SCFD2: variants seen among roughly 807,000 people sequenced by gnomAD.
SCFD2 encodes sec1 family domain-containing protein 2.
SCFD2 carries 54 observed loss-of-function variants against 58.9 expected under a neutral mutation model. The ratio of observed to expected loss-of-function variants is 0.92; its 90% CI spans 0.74 to 1.15. SCFD2 has a LOEUF of 1.15. Among genes scored for constraint, SCFD2 ranks in the 50% most tolerant of loss-of-function variants. The pLI, the probability that SCFD2 is intolerant of heterozygous loss-of-function variation, is 0.00. For synonymous variants in SCFD2, 321 were observed against 335.9 expected, an observed-to-expected ratio of 0.96 and a Z score of 0.49; for missense variants, 805 against 836.6, an observed-to-expected ratio of 0.96 and a Z score of 0.47.
chr4:52,895,220 T>A (rs1718976186), intron 7 of SCFD2, among the ~76,000 whole-genome samples: 2 of 152,142 alleles, frequency 1.3e-5, no homozygotes, highest in South Asian at 4.1e-4. Flanking sequence ...GTGCACAACG[T>A]ACAGGTTTGT....
intron 5 of SCFD2, among the ~76,000 whole-genome samples, chr4:52,962,108 A>T (rs1411151328): frequency 6.6e-6 from 1 of 152,214 alleles, no homozygotes; most frequent in Non-Finnish European, 1.5e-5. Context: ...AGACTTTTGA[A>T]GGAATGTGAC....
intron 5 of SCFD2, among the ~76,000 whole-genome samples, chr4:53,086,377 C>T (rs1724304733): frequency 6.6e-6 from 1 of 151,916 alleles, no homozygotes; most frequent in Non-Finnish European, 1.5e-5. Flanking sequence ...AAAAGACAGG[C>T]AATAACAAAT....
Position 53,273,995 on chromosome 4 carries a change from ACTCTCC to A in SCFD2, c.1136_1141del (p.Gly379_Arg380del). On this transcript the variant is annotated inframe_deletion and splice_region_variant, in exon 4 of 9. Transcript: ENST00000401642. Reference sequence around the variant, plus strand: ...ATAGGACATGAGCTGTCCCGGTGTGACTCTCCCTGGAAACATAAGAATTTATCAGTG... The same window carrying A: ...ATAGGACATGAGCTGTCCCGGTGTGACTGGAAACATAAGAATTTATCAGTG... The A allele has an allele frequency of 6.2e-7, 1 of 1,605,750 alleles. No individual in the cohort carries two copies. Among genetic ancestry groups the A allele is most frequent in the South Asian group, 1.1e-5 (1 of 88,918 alleles).
intron 4 of SCFD2, among the ~76,000 whole-genome samples, chr4:53,237,452 G>A (rs1399243587): frequency 1.4e-5 from 2 of 145,570 alleles, no homozygotes; most frequent in African/African-American, 2.7e-5. Context: ...CGGATGGGGG[G>A]TCTGGCCGGG....
At chr4:53,181,783 A>C (rs1033432952) in intron 4 of SCFD2, among the ~76,000 whole-genome samples, 20 of 152,320 alleles carry the variant, frequency 1.3e-4, no homozygotes, top group African/African-American at 3.6e-4. Context: ...AAATCTCCTC[A>C]AGCTGATAAG....
rs552278543 is a variant in SCFD2, at chr4:53,048,326, G to C, written c.1561+97007C>G. 2.0e-5 allele frequency among the ~76,000 whole-genome samples: 3 copies of C among 152,248 alleles called. No individual in the cohort carries two copies. In the East Asian group the frequency reaches 5.8e-4, roughly 29 times the overall value. On this transcript the variant is annotated intron_variant, in intron 5 of 8. Coordinates refer to ENST00000401642, the MANE Select transcript of SCFD2 (RefSeq NM_152540.4). ...GATCGTGCCACTGCACCCCAGCCTA[G>C]GTGACAGAGCAAGACTCTGTCTCAA...
chr4:53,268,521 G>A (rs1214915967), intron 4 of SCFD2, among the ~76,000 whole-genome samples: 1 of 152,134 alleles, frequency 6.6e-6, no homozygotes, highest in Non-Finnish European at 1.5e-5. Context: ...TCTGAGCGGG[G>A]TGGTGAGGGC....
chr4:53,119,092 T>C (rs1386641964), intron 5 of SCFD2, among the ~76,000 whole-genome samples: 1 of 151,868 alleles, frequency 6.6e-6, no homozygotes, highest in African/African-American at 2.4e-5. Flanking sequence ...CCGAGGTGGG[T>C]AAATCACTTC....
chr4:53,122,331 T>G lies in SCFD2; in HGVS notation c.1561+23002A>C, dbSNP rs148607158. Among the ~76,000 whole-genome samples the G allele has an allele frequency of 6.0e-3, 915 of 152,002 alleles. 5 individuals are homozygous for G. Among genetic ancestry groups the G allele is most frequent in the Middle Eastern group, 0.031 (9 of 294 alleles). On this transcript the variant is annotated intron_variant, in intron 5 of 8. Transcript: ENST00000401642. ...GGTGAAGGTTGCAGTGAGCTGAGAT[T>G]GTGCCACTGCACTTCAGCCTGGGTG...
At chr4:53,218,479 G>T (rs1728932418) in intron 4 of SCFD2, among the ~76,000 whole-genome samples, 1 of 152,170 alleles carries the variant, frequency 6.6e-6, no homozygotes, top group Admixed American at 6.5e-5. Flanking sequence ...TCATGTCATG[G>T]TTTTCAGCTC....
In SCFD2 at chr4:52,966,329, C is replaced by T. The variant is rs996010200; in HGVS notation, c.1562-45459G>A. ...CCTGTGCATGTGCAAAGTAGATCAACGTAAGCACAGGTCACTTGATGACCT... is the reference window on the plus strand; with the variant it reads ...CCTGTGCATGTGCAAAGTAGATCAATGTAAGCACAGGTCACTTGATGACCT... On this transcript the variant is annotated intron_variant, in intron 5 of 8. Coordinates refer to ENST00000401642, the MANE Select transcript of SCFD2 (RefSeq NM_152540.4). 3.3e-5 allele frequency among the ~76,000 whole-genome samples: 5 copies of T among 152,348 alleles called. No individual in the cohort carries two copies. The East Asian group carries it at 5.8e-4, about 18-fold the overall frequency.
At chr4:52,992,075 G>A (rs911873173) in intron 5 of SCFD2, among the ~76,000 whole-genome samples, 17 of 152,104 alleles carry the variant, frequency 1.1e-4, no homozygotes, top group Admixed American at 4.6e-4. Context: ...CTCTGATGCC[G>A]AGCCGAAGCT....
At chr4:52,995,413 C>T (rs553024610) in intron 5 of SCFD2, among the ~76,000 whole-genome samples, 6 of 152,224 alleles carry the variant, frequency 3.9e-5, no homozygotes, top group South Asian at 2.1e-4. Flanking sequence ...CCTAACAGGC[C>T]GTGGACCAGT....
intron 5 of SCFD2, 118 bp from the exon 6 acceptor site, chr4:52,920,988 T>A: frequency 2.2e-6 from 1 of 459,274 alleles, no homozygotes; most frequent in Non-Finnish European, 3.6e-6. Context: ...ATTATTATTA[T>A]TATTGTTATT....
chr4:53,024,936 T>C lies in SCFD2; in HGVS notation c.1562-104066A>G, dbSNP rs1722436983. On this transcript the variant is annotated intron_variant, in intron 5 of 8. Coordinates refer to ENST00000401642, the MANE Select transcript of SCFD2 (RefSeq NM_152540.4). ...CCCCTCTTGACTCCCCCTAGAATAT[T>C]AGCTTAGGCTCTGTGAGTATCCACT... Among the ~76,000 whole-genome samples, 4 of 152,278 alleles carry C rather than the reference T, an allele frequency of 2.6e-5. No individual in the cohort carries two copies. In the South Asian group the frequency reaches 8.3e-4, roughly 32 times the overall value.
intron 4 of SCFD2, among the ~76,000 whole-genome samples, chr4:53,255,228 T>TATTTATTTATTTATTTATTTA (rs1560414833): frequency 6.8e-6 from 1 of 147,576 alleles, no homozygotes; most frequent in Non-Finnish European, 1.5e-5. Flanking sequence ...TTTATTTATT[T>TATTTATTTATTTATTTATTTA]TTTATGGATC....
At chr4:53,188,611 T>C (rs1727806743) in intron 4 of SCFD2, among the ~76,000 whole-genome samples, 1 of 152,176 alleles carries the variant, frequency 6.6e-6, no homozygotes, top group Non-Finnish European at 1.5e-5. Flanking sequence ...TGCACGTTCA[T>C]TCATTCTTAA....
intron 4 of SCFD2, among the ~76,000 whole-genome samples, chr4:53,178,288 C>T (rs978219558): frequency 1.3e-5 from 2 of 152,188 alleles, no homozygotes; most frequent in Admixed American, 6.5e-5. Flanking sequence ...CCGGGTACTC[C>T]TCTGAGACAA....
At chr4:53,160,530 G>T (rs1408364639) in intron 4 of SCFD2, among the ~76,000 whole-genome samples, 3 of 152,176 alleles carry the variant, frequency 2.0e-5, no homozygotes, top group African/African-American at 7.2e-5. Context: ...GTTCAGAAAA[G>T]GAGGGGGTGT....
Sources: allele counts gnomAD v4.1 joint callset (sites outside exome capture counted in the v4.1 genomes callset), GRCh38; gene constraint gnomAD v4.1.1; transcripts MANE v1.5; gene names NCBI Gene and HGNC (gene_info 2026-07-23, HGNC 2026-07-21).